FAM47E: variants seen among roughly 807,000 people sequenced by gnomAD.
FAM47E encodes family with sequence similarity 47 member E, also known as protein FAM47E.
FAM47E carries 32 observed loss-of-function variants against 41.6 expected under a neutral mutation model. That is an observed-to-expected ratio of 0.77 (90% CI 0.58 to 1.03). FAM47E has a LOEUF of 1.03. Among genes scored for constraint, FAM47E ranks in the 50% least tolerant of loss-of-function variants. FAM47E has a pLI of 0.00. For missense variants in FAM47E, 424 were observed against 485.4 expected (o/e 0.87, Z 1.19); for synonymous variants, 184 against 188.7 (o/e 0.98, Z 0.20).
At chr4:76,280,388 C>A in intron 7 of FAM47E, 47 bp downstream of exon 7, 1 of 1,115,394 alleles carries the variant, frequency 9.0e-7, no homozygotes, top group Non-Finnish European at 1.3e-6. Context: ...GGCTTCATGG[C>A]TCACAGTTGT....
chr4:76,239,917 G>T (rs1381849864), intron 2 of FAM47E, among the ~76,000 whole-genome samples: 1 of 152,082 alleles, frequency 6.6e-6, no homozygotes, highest in African/African-American at 2.4e-5. Context: ...AATGGTATCA[G>T]GTAAGGGTCC....
At chr4:76,261,353 A>T (rs1734409417) in intron 2 of FAM47E, among the ~76,000 whole-genome samples, 1 of 152,200 alleles carries the variant, frequency 6.6e-6, no homozygotes, top group South Asian at 2.1e-4. Context: ...AAATTGTTTT[A>T]TCAAAAAGAC....
chr4:76,265,587 T>A (rs1177036751), intron 3 of FAM47E, among the ~76,000 whole-genome samples: 1 of 142,752 alleles, frequency 7.0e-6, no homozygotes. Flanking sequence ...TGGGATTTCC[T>A]GAGTGACAGG....
chr4:76,237,242 G>A (rs148570294), intron 2 of FAM47E, among the ~76,000 whole-genome samples: 37 of 152,006 alleles, frequency 2.4e-4, no homozygotes, highest in African/African-American at 8.4e-4. Context: ...TGTTAATGCT[G>A]GAAAGGTATA....
intron 2 of FAM47E, among the ~76,000 whole-genome samples, chr4:76,241,872 G>A (rs1394467063): frequency 6.6e-6 from 1 of 152,146 alleles, no homozygotes; most frequent in South Asian, 2.1e-4. Context: ...CAAAAATCCA[G>A]TGAAATCCTT....
intron 2 of FAM47E, among the ~76,000 whole-genome samples, chr4:76,234,797 T>C (rs1181526987): frequency 2.6e-5 from 4 of 152,178 alleles, no homozygotes; most frequent in Non-Finnish European, 5.9e-5. Flanking sequence ...CCTGTAGTTC[T>C]AGGTACTCAA....
chr4:76,256,527 A>G lies in FAM47E; in HGVS notation c.420+4A>G. The stretch of plus-strand genomic sequence containing the variant: ...GGAAGAAGCTATGCCCATAGAGGTG[A>G]TGTGTCCTAGGGTTTGTGGGAGGGG... On this transcript the variant is annotated splice_donor_region_variant and intron_variant, in intron 2 of 7. Coordinates refer to ENST00000424749, the MANE Select transcript of FAM47E (RefSeq NM_001136570.3). 2.6e-6 allele frequency: 4 copies of G among 1,546,116 alleles called. No individual in the cohort carries two copies. The highest frequency in any genetic ancestry group is 2.6e-6 in the Non-Finnish European group (3 of 1,143,040).
intron 2 of FAM47E, among the ~76,000 whole-genome samples, chr4:76,225,650 G>C (rs1733384175): frequency 6.6e-6 from 1 of 152,160 alleles, no homozygotes; most frequent in Non-Finnish European, 1.5e-5. Context: ...ATGATCAAAT[G>C]ATCTTTGTTT....
chr4:76,238,921 C>T (rs964538020), intron 2 of FAM47E, among the ~76,000 whole-genome samples: 2 of 152,150 alleles, frequency 1.3e-5, no homozygotes, highest in African/African-American at 4.8e-5. Context: ...CCATTCTTCC[C>T]TCTGCTCAGC....
intron 2 of FAM47E, among the ~76,000 whole-genome samples, chr4:76,241,277 GA>G (rs1733704423): frequency 6.7e-6 from 1 of 149,354 alleles, no homozygotes; most frequent in Non-Finnish European, 1.5e-5. Flanking sequence ...TGGAGAAAAA[GA>G]GAAAAATGAA....
intron 6 of FAM47E, 52 bp downstream of exon 6, chr4:76,278,276 C>A: frequency 7.0e-7 from 1 of 1,428,756 alleles, no homozygotes; most frequent in Non-Finnish European, 9.2e-7. Flanking sequence ...GATCACAGTG[C>A]ATCTGCCACC....
intron 3 of FAM47E, among the ~76,000 whole-genome samples, chr4:76,266,502 C>T (rs1487141611): frequency 6.6e-6 from 1 of 152,182 alleles, no homozygotes; most frequent in Non-Finnish European, 1.5e-5. Flanking sequence ...TCCAGAATCT[C>T]ACCTTCTCCA....
chr4:76,237,361 T>TTTTG (rs1560733009), intron 2 of FAM47E, among the ~76,000 whole-genome samples: 1 of 111,378 alleles, frequency 9.0e-6, no homozygotes, highest in Non-Finnish European at 2.0e-5. Context: ...GTTTTTTTTT[T>TTTTG]TTTGTTTGTT....
chr4:76,279,304 T>A (rs928390480), intron 6 of FAM47E: 2 of 152,208 alleles, frequency 1.3e-5, no homozygotes, highest in African/African-American at 2.4e-5. Flanking sequence ...AAATTAAATA[T>A]TTAAAAAGAA....
At chr4:76,234,980 C>G (rs2109988009) in intron 2 of FAM47E, among the ~76,000 whole-genome samples, 1 of 152,130 alleles carries the variant, frequency 6.6e-6, no homozygotes, top group African/African-American at 2.4e-5. Flanking sequence ...ATAGTAGGGA[C>G]AGGGTGGGGA....
rs889950623 is a variant in FAM47E at position 76,256,290 on chromosome 4, A to T, written c.187A>T (p.Thr63Ser). Reference protein sequence around the residue: ...DDFRKGCPPCTGLVTQVPVEG... With the variant: ...DDFRKGCPPCSGLVTQVPVEG... ...CTTCAGGAAGGGCTGCCCGCCTTGC[A>T]CTGGTCTGGTGACTCAGGTCCCTGT... Residue 63 changes from threonine (T) to serine (S), a missense_variant, in exon 2 of 8, where the codon ACT (threonine) becomes TCT (serine). Transcript: ENST00000424749. The T allele has an allele frequency of 6.4e-7, 1 of 1,551,682 alleles. No homozygotes were observed. The highest frequency in any genetic ancestry group is 8.7e-7 in the Non-Finnish European group (1 of 1,146,986).
At chr4:76,244,535 T>A (rs1733783096) in intron 2 of FAM47E, among the ~76,000 whole-genome samples, 1 of 111,286 alleles carries the variant, frequency 9.0e-6, no homozygotes. Context: ...GCATTCTTCT[T>A]TTTTTTTTTT....
chr4:76,232,760 T>A (rs1047753305), intron 2 of FAM47E, among the ~76,000 whole-genome samples: 1 of 152,148 alleles, frequency 6.6e-6, no homozygotes, highest in African/African-American at 2.4e-5. Context: ...AAAAGCCAGG[T>A]ATCAGAAAAG....
intron 1 of FAM47E, among the ~76,000 whole-genome samples, chr4:76,254,404 G>T (rs1734101645): frequency 6.6e-6 from 1 of 152,106 alleles, no homozygotes; most frequent in African/African-American, 2.4e-5. Flanking sequence ...TGCTGAATGG[G>T]TCATTAATCT....
Sources: gnomAD v4.1 joint callset for allele counts (sites outside exome capture counted in the v4.1 genomes callset) on GRCh38, gnomAD v4.1.1 for gene constraint, MANE v1.5 for transcripts, NCBI Gene and HGNC (gene_info 2026-07-23, HGNC 2026-07-21) for gene names.